EPHA6: variants seen among roughly 807,000 people sequenced by gnomAD.
EPHA6 encodes ephrin type-A receptor 6.
Under a neutral mutation model 112.0 loss-of-function variants are expected in EPHA6, and 50 were observed. The ratio of observed to expected loss-of-function variants is 0.45; its 90% CI spans 0.36 to 0.56. EPHA6 has a LOEUF of 0.56. Ranked by LOEUF, EPHA6 falls within the 20% of genes least tolerant of loss-of-function variation. The pLI is 0.00. For missense variants in EPHA6, 1,280 were observed against 1,417.4 expected, an observed-to-expected ratio of 0.90 and a Z score of 1.56; for synonymous variants, 529 against 490.7, an observed-to-expected ratio of 1.08 and a Z score of -1.03.
chr3:97,548,575 A>G (rs1368089582), intron 11 of EPHA6, among the ~76,000 whole-genome samples: 3 of 152,236 alleles, frequency 2.0e-5, no homozygotes, highest in Non-Finnish European at 4.4e-5. Context: ...TTTGTCAATT[A>G]GAATTCTTCT....
At chr3:96,973,419 C>T (rs1003088198) in intron 2 of EPHA6, among the ~76,000 whole-genome samples, 34 of 151,930 alleles carry the variant, frequency 2.2e-4, no homozygotes, top group Admixed American at 2.6e-4. Flanking sequence ...TTTAGATGTA[C>T]GTAAGTTTGG....
At chr3:97,329,815 A>T (rs914904291) in intron 5 of EPHA6, among the ~76,000 whole-genome samples, 1 of 151,832 alleles carries the variant, frequency 6.6e-6, no homozygotes, top group South Asian at 2.1e-4. Context: ...GAAGCTCTTT[A>T]GTTTAATTAG....
At chr3:96,858,761 G>A (rs2035842797) in intron 1 of EPHA6, among the ~76,000 whole-genome samples, 1 of 152,088 alleles carries the variant, frequency 6.6e-6, no homozygotes, top group African/African-American at 2.4e-5. Flanking sequence ...GATGTCCAGG[G>A]TTTGGACTGA....
intron 3 of EPHA6, among the ~76,000 whole-genome samples, chr3:97,085,950 C>CTATATATATATATATATAT (rs2046885999): frequency 9.3e-6 from 1 of 107,562 alleles, no homozygotes; most frequent in Admixed American, 1.0e-4. Flanking sequence ...TATATATATA[C>CTATATATATATATATATAT]ACACTGAGAT....
intron 13 of EPHA6, among the ~76,000 whole-genome samples, chr3:97,617,042 A>G (rs2093772390): frequency 6.6e-6 from 1 of 152,138 alleles, no homozygotes; most frequent in Non-Finnish European, 1.5e-5. Context: ...GAAGGGCCAG[A>G]TCACCTACAA....
chr3:96,955,618 C>A (rs1178739335), intron 2 of EPHA6, among the ~76,000 whole-genome samples: 1 of 152,096 alleles, frequency 6.6e-6, no homozygotes, highest in Non-Finnish European at 1.5e-5. Context: ...AGATACTGTG[C>A]TGATGCATTT....
intron 5 of EPHA6, among the ~76,000 whole-genome samples, chr3:97,251,607 A>G (rs981953371): frequency 6.6e-6 from 1 of 152,246 alleles, no homozygotes; most frequent in Non-Finnish European, 1.5e-5. Context: ...GAATTTCTTC[A>G]TACTTAAAAA....
chr3:97,046,535 C>T (rs2045514179), intron 3 of EPHA6, among the ~76,000 whole-genome samples: 1 of 152,106 alleles, frequency 6.6e-6, no homozygotes, highest in Admixed American at 6.5e-5. Context: ...GTTTGATGCA[C>T]TCATTCTACA....
intron 14 of EPHA6, among the ~76,000 whole-genome samples, chr3:97,652,486 A>G (rs2094113928): frequency 6.6e-6 from 1 of 152,070 alleles, no homozygotes; most frequent in Non-Finnish European, 1.5e-5. Context: ...TAGTTATACC[A>G]CTATCCTTGG....
intron 5 of EPHA6, among the ~76,000 whole-genome samples, chr3:97,281,397 C>G (rs1288665012): frequency 6.6e-6 from 1 of 152,038 alleles, no homozygotes; most frequent in Non-Finnish European, 1.5e-5. Flanking sequence ...AATTTGCATT[C>G]ATTTTATTTT....
At chr3:97,092,992 G>C (rs1034898806) in intron 3 of EPHA6, among the ~76,000 whole-genome samples, 1 of 152,076 alleles carries the variant, frequency 6.6e-6, no homozygotes, top group East Asian at 1.9e-4. Context: ...AATCCACTTG[G>C]TGGGTAGAAT....
chr3:96,976,504 G>T (rs1323167144), intron 2 of EPHA6, among the ~76,000 whole-genome samples: 1 of 152,072 alleles, frequency 6.6e-6, no homozygotes, highest in Non-Finnish European at 1.5e-5. Context: ...TTAAAAAAAG[G>T]CTTTTAAAGT....
intron 3 of EPHA6, among the ~76,000 whole-genome samples, chr3:96,989,363 A>C (rs2043135801): frequency 6.6e-6 from 1 of 152,200 alleles, no homozygotes; most frequent in African/African-American, 2.4e-5. Context: ...AGCATGAATC[A>C]GCTTTCCTGT....
chr3:96,940,715 A>T (rs1011472746), intron 2 of EPHA6, among the ~76,000 whole-genome samples: 1 of 152,102 alleles, frequency 6.6e-6, no homozygotes, highest in Non-Finnish European at 1.5e-5. Context: ...ACAATTTGGC[A>T]TGTTTTTGTA....
intron 2 of EPHA6, among the ~76,000 whole-genome samples, chr3:96,883,927 C>T (rs977421198): frequency 2.6e-5 from 4 of 152,124 alleles, no homozygotes; most frequent in African/African-American, 9.7e-5. Flanking sequence ...CTGCCTTGTC[C>T]TCCCCAAAGT....
intron 2 of EPHA6, among the ~76,000 whole-genome samples, chr3:96,982,684 G>T (rs2042845611): frequency 6.6e-6 from 1 of 152,008 alleles, no homozygotes; most frequent in Non-Finnish European, 1.5e-5. Context: ...TGTTGTGTGG[G>T]GTCTAAGTAT....
chr3:97,380,735 T>C (rs549730034), intron 5 of EPHA6, among the ~76,000 whole-genome samples: 18 of 152,320 alleles, frequency 1.2e-4, no homozygotes, highest in African/African-American at 4.3e-4. Context: ...TATAAAGAAA[T>C]AATTACAGTT....
intron 1 of EPHA6, among the ~76,000 whole-genome samples, chr3:96,822,682 A>C (rs1212284026): frequency 6.6e-6 from 1 of 150,744 alleles, no homozygotes; most frequent in African/African-American, 2.4e-5. Flanking sequence ...AAGATACTTT[A>C]TATATAATTT....
intron 3 of EPHA6, among the ~76,000 whole-genome samples, chr3:97,085,854 TAAG>T (rs1191286151): frequency 6.6e-6 from 1 of 150,820 alleles, no homozygotes; most frequent in Non-Finnish European, 1.5e-5. Flanking sequence ...GTCAGTGAAA[TAAG>T]AAGTTCTCTC....
Sources: gnomAD v4.1 joint callset for allele counts (sites outside exome capture counted in the v4.1 genomes callset) on GRCh38, gnomAD v4.1.1 for gene constraint, MANE v1.5 for transcripts, NCBI Gene and HGNC (gene_info 2026-07-23, HGNC 2026-07-21) for gene names.